Variants in TBC1D16 observed in about 807,000 individuals in gnomAD.
The protein encoded by TBC1D16 is TBC1 domain family member 16.
In TBC1D16, 58 loss-of-function variants were observed where a neutral mutation model predicts 74.7. The ratio of observed to expected loss-of-function variants is 0.78; its 90% CI spans 0.63 to 0.97. The LOEUF (loss-of-function observed/expected upper bound fraction) is 0.97. TBC1D16 is among the 50% of genes least tolerant of loss of function. The pLI is 0.00. For missense variants in TBC1D16, 1,014 were observed against 1,079.5 expected (o/e 0.94, Z 0.85); for synonymous variants, 493 against 474.7 (o/e 1.04, Z -0.50).
At chr17:79,977,021 C>T (rs2034358682) in intron 3 of TBC1D16, among the ~76,000 whole-genome samples, 1 of 152,176 alleles carries the variant, frequency 6.6e-6, no homozygotes, top group Non-Finnish European at 1.5e-5. Flanking sequence ...GTGTCAGGAG[C>T]CTCTGGCAGG....
intron 3 of TBC1D16, among the ~76,000 whole-genome samples, chr17:79,963,112 G>A (rs962151281): frequency 6.6e-6 from 1 of 151,740 alleles, no homozygotes; most frequent in Non-Finnish European, 1.5e-5. Flanking sequence ...CTACTTGGGG[G>A]AGACTGAGGC....
intron 9 of TBC1D16, 109 bp from the exon 10 acceptor site, chr17:79,945,196 G>A: frequency 8.1e-7 from 1 of 1,230,486 alleles, no homozygotes; most frequent in Non-Finnish European, 1.1e-6. Flanking sequence ...GCCTGGAAAA[G>A]CACACCCAGG....
chr17:80,032,721 A>C (rs938330666), intron 1 of TBC1D16, among the ~76,000 whole-genome samples: 1 of 152,214 alleles, frequency 6.6e-6, no homozygotes, highest in African/African-American at 2.4e-5. Flanking sequence ...ATTAACAGCA[A>C]TATAATGCAA....
At chr17:79,963,667 C>T (rs957278927) in intron 3 of TBC1D16, among the ~76,000 whole-genome samples, 2 of 152,210 alleles carry the variant, frequency 1.3e-5, no homozygotes, top group African/African-American at 4.8e-5. Flanking sequence ...CTGTTTTCCA[C>T]AGCAGCTGTA....
intron 3 of TBC1D16, among the ~76,000 whole-genome samples, chr17:79,997,234 C>T (rs2035307454): frequency 2.0e-5 from 3 of 152,130 alleles, no homozygotes; most frequent in South Asian, 2.1e-4. Context: ...CTGTAATACC[C>T]GTGAGACCTG....
At chr17:80,017,645 C>T (rs1314741898) in intron 1 of TBC1D16, among the ~76,000 whole-genome samples, 1 of 141,652 alleles carries the variant, frequency 7.1e-6, no homozygotes, top group Non-Finnish European at 1.5e-5. Context: ...CGCTCCATTG[C>T]ACTCCAGCCT....
intron 1 of TBC1D16, among the ~76,000 whole-genome samples, chr17:80,023,538 GAA>G (rs1379941783): frequency 6.7e-6 from 1 of 150,208 alleles, no homozygotes; most frequent in East Asian, 1.9e-4. Flanking sequence ...GGCCACTGCT[GAA>G]AGAGACGCTC....
chr17:80,026,989 T>C (rs2036602054), intron 1 of TBC1D16, among the ~76,000 whole-genome samples: 3 of 150,560 alleles, frequency 2.0e-5, no homozygotes, highest in Non-Finnish European at 2.9e-5. Context: ...ACAAAATGAG[T>C]GAACACTGGA....
In TBC1D16 at chr17:79,998,010, A is replaced by G. The variant is rs2035338761; in HGVS notation, c.779+12150T>C. Reference sequence around the variant, plus strand: ...TGTGGTGGCGGGAGCCTGGAATCCCAGCTACTCAAGAGGCTGAGGCAGGAA... The same window carrying G: ...TGTGGTGGCGGGAGCCTGGAATCCCGGCTACTCAAGAGGCTGAGGCAGGAA... On this transcript the variant is annotated intron_variant, in intron 3 of 11. Coordinates refer to ENST00000310924, the MANE Select transcript of TBC1D16 (RefSeq NM_019020.4). Among the ~76,000 whole-genome samples, 4 of 151,988 alleles carry G rather than the reference A, an allele frequency of 2.6e-5. No individual in the cohort carries two copies. In the South Asian group the frequency reaches 8.3e-4, roughly 32 times the overall value.
At chr17:80,005,629 G>A (rs1253837231) in intron 3 of TBC1D16, among the ~76,000 whole-genome samples, 2 of 152,284 alleles carry the variant, frequency 1.3e-5, no homozygotes, top group East Asian at 1.9e-4. Flanking sequence ...GCAGCTCTCC[G>A]TATCACCCCA....
intron 3 of TBC1D16, among the ~76,000 whole-genome samples, chr17:79,966,179 C>T (rs1598358970): frequency 6.6e-6 from 1 of 152,184 alleles, no homozygotes; most frequent in South Asian, 2.1e-4. Context: ...TCCATCATCA[C>T]GTGGCCTTCT....
rs2034496072 is a variant in TBC1D16 at position 79,979,658 on chromosome 17, A to T, written c.780-26840T>A. On this transcript the variant is annotated intron_variant, in intron 3 of 11. Coordinates refer to ENST00000310924, the MANE Select transcript of TBC1D16 (RefSeq NM_019020.4). This position sits in a 1 kb window ranked among gnomAD's most constrained non-coding sequence, Gnocchi z 4.8. ...CACGTCGACCTTCACTGTTTCCTGC[A>T]AACACAGCTGGGACATCAGCCCGGA... Among the ~76,000 whole-genome samples the T allele has an allele frequency of 6.6e-6, 1 of 152,028 alleles. No homozygotes were observed. The highest frequency in any genetic ancestry group is 6.6e-5 in the Admixed American group (1 of 15,260).
At chr17:79,943,843 G>T in intron 10 of TBC1D16, 1 of 1,374,034 alleles carries the variant, frequency 7.3e-7, no homozygotes, top group Non-Finnish European at 9.4e-7. Flanking sequence ...AGGAATGAGG[G>T]CGGCAAATCT....
rs780123627 is a variant in TBC1D16 at position 79,993,902 on chromosome 17, C to T, written c.779+16258G>A. ...CCCCAGCCCCCATGCAACCACCGGC[C>T]GGGGTTGCGTCAAGGCCTCCCGGAG... is the stretch of plus-strand genomic sequence containing the variant. On this transcript the variant is annotated intron_variant, in intron 3 of 11. Transcript: ENST00000310924. This position sits in a 1 kb window ranked among gnomAD's most constrained non-coding sequence, Gnocchi z 5.1. Among the ~76,000 whole-genome samples, 8 of 152,168 alleles carry T rather than the reference C, an allele frequency of 5.3e-5. No homozygotes were observed. Among genetic ancestry groups the T allele is most frequent in the Non-Finnish European group, 1.0e-4 (7 of 68,018 alleles).
At chr17:79,977,926 C>T (rs2034401867) in intron 3 of TBC1D16, among the ~76,000 whole-genome samples, 1 of 152,256 alleles carries the variant, frequency 6.6e-6, no homozygotes, top group African/African-American at 2.4e-5. Flanking sequence ...GTGCCTTCTG[C>T]TGCCGGGGTG....
rs2031447871 is a variant in TBC1D16, at chr17:79,934,329, C to G, written c.*6530G>C. ...TGGCCTGAGGTGGGGTTGTGGTGGG[C>G]CTTGTCCCCCTGCAGGGCTGACCCG... On this transcript the variant is annotated 3_prime_UTR_variant, in exon 12 of 12. Transcript: ENST00000310924. 6.6e-6 allele frequency: 1 copy of G among 152,402 alleles called. No individual in the cohort carries two copies. Among genetic ancestry groups the G allele is most frequent in the Non-Finnish European group, 1.5e-5 (1 of 68,200 alleles). The allele number at this position is 152,402 out of a possible 1,614,324, so 9.4% of individuals were successfully genotyped here.
intron 3 of TBC1D16, among the ~76,000 whole-genome samples, chr17:79,958,654 T>C (rs1206577631): frequency 4.6e-5 from 7 of 152,198 alleles, no homozygotes; most frequent in African/African-American, 1.7e-4. Flanking sequence ...AATAAAGGCA[T>C]ACATGCACAG....
At position 79,975,460 on chromosome 17, in the gene TBC1D16, T is replaced by C. The variant is rs923956838; in HGVS notation, c.780-22642A>G. ...TGCTGAGAGCCAGCCAGGTGTTCTT[T>C]AAGCCCCTGTGAAGATTCCTTGATC... On this transcript the variant is annotated intron_variant, in intron 3 of 11. Transcript: ENST00000310924. The surrounding 1 kb of genome is among the most constrained non-coding windows in gnomAD (Gnocchi z 4.5). Among the ~76,000 whole-genome samples, 3 of 152,154 alleles carry C rather than the reference T, an allele frequency of 2.0e-5. No homozygotes were observed. Among genetic ancestry groups the C allele is most frequent in the Admixed American group, 2.0e-4 (3 of 15,286 alleles).
intron 6 of TBC1D16, 40 bp from the exon 7 acceptor site, chr17:79,949,905 G>A (rs1438039342): frequency 1.3e-6 from 2 of 1,598,508 alleles, no homozygotes; most frequent in Non-Finnish European, 1.7e-6. Context: ...GATAAAATGG[G>A]GCAGCTCAAA....
Sources: allele counts gnomAD v4.1 joint callset (sites outside exome capture counted in the v4.1 genomes callset), GRCh38; gene constraint gnomAD v4.1.1; non-coding constraint Gnocchi (gnomAD v3.1); transcripts MANE v1.5; gene names NCBI Gene and HGNC (gene_info 2026-07-23, HGNC 2026-07-21).